Variants in BORCS7 observed in about 807,000 individuals in gnomAD.
BORCS7 encodes BLOC-1 related complex subunit 7, also known as BLOC-1-related complex subunit 7.
In BORCS7, 20 loss-of-function variants were observed where a neutral mutation model predicts 17.5. The observed-to-expected ratio is 1.14, with a 90% CI of 0.80 to 1.66. The LOEUF (loss-of-function observed/expected upper bound fraction) is 1.66. BORCS7 is among the 40% of genes most tolerant of loss of function. The probability of loss-of-function intolerance (pLI) is 0.00; values close to 1 mark genes in which losing one functional copy is unlikely to be tolerated. For missense variants in BORCS7, 122 were observed against 129.7 expected (o/e 0.94, Z 0.29); for synonymous variants, 57 against 49.8 (o/e 1.14, Z -0.61).
At position 102,858,207 on chromosome 10, in the gene BORCS7, CGAGA is replaced by C. The variant is rs148405072; in HGVS notation, c.142-2107_142-2104del. On this transcript the variant is annotated intron_variant, in intron 1 of 4. Coordinates refer to ENST00000339834, the MANE Select transcript of BORCS7 (RefSeq NM_001136200.2). ...TATATATATAGAGAGAGAGAGCGAG[CGAGA>C]GAGAGAGAGAGAGAGAGCAAGGTGT... is the stretch of plus-strand genomic sequence containing the variant. 6.1e-3 allele frequency among the ~76,000 whole-genome samples: 745 copies of C among 121,220 alleles called. 7 individuals are homozygous for C. Among genetic ancestry groups the C allele is most frequent in the African/African-American group, 0.015 (507 of 33,514 alleles). The allele number at this position is 121,220 out of a possible 152,430, so 79.5% of individuals were successfully genotyped here. A position where few individuals can be genotyped will look rare whatever the true frequency, so the allele number is the denominator to read the frequency against.
chr10:102,856,447 C>T (rs930151282), intron 1 of BORCS7, among the ~76,000 whole-genome samples: 5 of 151,822 alleles, frequency 3.3e-5, no homozygotes, highest in African/African-American at 1.2e-4. Context: ...GGCACTTATG[C>T]TTACAGTTGC....
chr10:102,859,878 T>G (rs1481246392), intron 1 of BORCS7, among the ~76,000 whole-genome samples: 1 of 152,188 alleles, frequency 6.6e-6, no homozygotes, highest in Non-Finnish European at 1.5e-5. Flanking sequence ...CTTATTTCAT[T>G]TCTAAATAGC....
chr10:102,858,593 T>G (rs1295497099), intron 1 of BORCS7, among the ~76,000 whole-genome samples: 1 of 152,024 alleles, frequency 6.6e-6, no homozygotes, highest in Non-Finnish European at 1.5e-5. Flanking sequence ...GAGGTTGCAG[T>G]GAGCCAAGAT....
chr10:102,854,946 TAATATA>T, intron 1 of BORCS7, among the ~76,000 whole-genome samples: 1 of 147,192 alleles, frequency 6.8e-6, no homozygotes, highest in Non-Finnish European at 1.5e-5. Context: ...ATTACATATA[TAATATA>T]CATATATATT....
intron 4 of BORCS7, 65 bp from the exon 5 acceptor site, chr10:102,862,808 G>T: frequency 2.1e-6 from 3 of 1,461,418 alleles, no homozygotes; most frequent in Non-Finnish European, 1.9e-6. Flanking sequence ...TTTGTAAATA[G>T]TTGTACAAAG....
In BORCS7 at chr10:102,854,556, T is replaced by G. The variant is rs1215066590; in HGVS notation, c.141+129T>G. 3.4e-6 allele frequency: 4 copies of G among 1,168,340 alleles called. No homozygotes were observed. The East Asian group carries it at 7.9e-5, about 23-fold the overall frequency. 72.4% of individuals were successfully genotyped at this position (1,168,340 alleles called of 1,614,324 possible). A position where few individuals can be genotyped will look rare whatever the true frequency, so the allele number is the denominator to read the frequency against. On this transcript the variant is annotated intron_variant, in intron 1 of 4. Coordinates refer to ENST00000339834, the MANE Select transcript of BORCS7 (RefSeq NM_001136200.2). ...AAGTACTTGCTATGAGTAGGTCTTC[T>G]TCGCGGAGGCGCGTGTTGCATTCTG...
Position 102,854,314 on chromosome 10 carries a change from C to T in BORCS7, c.28C>T (p.Gln10Ter), listed in dbSNP as rs1309910292. ...GATGGCGACTGGAACGCCAGAGTCT[C>T]AAGCGCGGTTCGGTCAGTCCGTGAA... Reference protein sequence around the residue: MMATGTPESQARFGQSVKGL... With the variant: MMATGTPES Residue 10 changes from glutamine (Q) to a stop codon, truncating the protein, a stop_gained, in exon 1 of 5, where the codon CAA (glutamine) becomes TAA (stop). Transcript: ENST00000339834. LOFTEE classifies it high-confidence loss of function. 6.2e-7 allele frequency: 1 copy of T among 1,604,462 alleles called. No homozygotes were observed. The highest frequency in any genetic ancestry group is 8.5e-7 in the Non-Finnish European group (1 of 1,175,668).
intron 1 of BORCS7, among the ~76,000 whole-genome samples, chr10:102,858,392 G>T (rs912193236): frequency 6.6e-6 from 1 of 151,828 alleles, no homozygotes; most frequent in Admixed American, 6.6e-5. Flanking sequence ...GCTCATGCCT[G>T]TAATCCCAGT....
At chr10:102,856,254 A>G (rs1247047319) in intron 1 of BORCS7, among the ~76,000 whole-genome samples, 1 of 151,842 alleles carries the variant, frequency 6.6e-6, no homozygotes, top group Non-Finnish European at 1.5e-5. Context: ...TTTTTTTCTA[A>G]ACATCATGTG....
chr10:102,858,804 T>C (rs1418079722), intron 1 of BORCS7, among the ~76,000 whole-genome samples: 1 of 152,160 alleles, frequency 6.6e-6, no homozygotes, highest in Non-Finnish European at 1.5e-5. Context: ...AAAGTTGCCC[T>C]GTGTTGGGGA....
At chr10:102,858,864 AGAG>A (rs989118646) in intron 1 of BORCS7, among the ~76,000 whole-genome samples, 3 of 151,988 alleles carry the variant, frequency 2.0e-5, no homozygotes, top group Non-Finnish European at 4.4e-5. Context: ...CCTTTTCACT[AGAG>A]TCTCCCTGAC....
chr10:102,864,224 ATTG>A lies in BORCS7; in HGVS notation c.*1303_*1305del, dbSNP rs1321097855. 1.3e-5 allele frequency: 2 copies of A among 152,208 alleles called. No homozygotes were observed. Among genetic ancestry groups the A allele is most frequent in the East Asian group, 3.8e-4 (2 of 5,206 alleles). 9.4% of individuals were successfully genotyped at this position (152,208 alleles called of 1,614,324 possible). On this transcript the variant is annotated 3_prime_UTR_variant, in exon 5 of 5. Transcript: ENST00000339834. The stretch of plus-strand genomic sequence containing the variant: ...TAACAGTGAATCCAATATAGTTCAT[ATTG>A]TTATTGTCCAATCATCAAGTTAACT...
Position 102,863,158 on chromosome 10 carries a change from A to C in BORCS7, c.*234A>C, listed in dbSNP as rs1844546756. The C allele has an allele frequency of 1.7e-5, 6 of 344,072 alleles. No individual in the cohort carries two copies. The highest frequency in any genetic ancestry group is 5.6e-5 in the East Asian group (1 of 17,880). The allele number at this position is 344,072 out of a possible 1,614,324, so 21.3% of individuals were successfully genotyped here. A position where few individuals can be genotyped will look rare whatever the true frequency, so the allele number is the denominator to read the frequency against. ...AGACCAGCCTGGCCAAGATGGTGAA[A>C]CCCCGTCTCTACTAAAAATACAAAG... On this transcript the variant is annotated 3_prime_UTR_variant, in exon 5 of 5. Coordinates refer to ENST00000339834, the MANE Select transcript of BORCS7 (RefSeq NM_001136200.2).
At chr10:102,859,652 G>A (rs189371237) in intron 1 of BORCS7, among the ~76,000 whole-genome samples, 5 of 148,682 alleles carry the variant, frequency 3.4e-5, no homozygotes, top group African/African-American at 5.0e-5. Context: ...TGCAACTTTC[G>A]CCTCCTGGGT....
intron 1 of BORCS7, among the ~76,000 whole-genome samples, chr10:102,856,539 T>C (rs1844430407): frequency 6.6e-6 from 1 of 152,186 alleles, no homozygotes; most frequent in Non-Finnish European, 1.5e-5. Flanking sequence ...GAAAACTAAG[T>C]TGAAAATCAG....
intron 4 of BORCS7, 86 bp from the exon 5 acceptor site, chr10:102,862,787 G>A (rs1844540616): frequency 3.3e-6 from 4 of 1,212,830 alleles, no homozygotes; most frequent in Non-Finnish European, 4.7e-6. Context: ...GTCTGTAATG[G>A]AAAAAAAAAA....
chr10:102,859,969 C>G (rs1003214978), intron 1 of BORCS7, among the ~76,000 whole-genome samples: 7 of 152,180 alleles, frequency 4.6e-5, no homozygotes, highest in African/African-American at 1.7e-4. Flanking sequence ...TCAAATCTGC[C>G]TTTAAAGAAT....
In BORCS7 at chr10:102,860,377, A is replaced by C. The variant is rs781125667; in HGVS notation, c.187A>C (p.Ile63Leu). 1 of 1,613,976 alleles carries C rather than the reference A, an allele frequency of 6.2e-7. No individual in the cohort carries two copies. The highest frequency in any genetic ancestry group is 1.3e-5 in the African/African-American group (1 of 74,920). The change falls in exon 2 of 5, where the codon ATC (isoleucine) becomes CTC (leucine). Residue 63 changes from isoleucine (I) to leucine (L), a missense_variant. Transcript: ENST00000339834. ...AAACATGGTACTCCAGGAAGATGCC[A>C]TCTTGCACTCAGAAGATGTAAGAAA... Reference protein sequence around the residue: ...ARNMVLQEDAILHSEDSLRKM... With the variant: ...ARNMVLQEDALLHSEDSLRKM...
In BORCS7 at chr10:102,862,145, C is replaced by T. The variant is rs752974024; in HGVS notation, c.249-15C>T. ...TTCACTTATGTGTATTTTCCTCTTT[C>T]CTTTTCTGATTTAGGCAAGAAGCTA... On this transcript the variant is annotated splice_polypyrimidine_tract_variant and intron_variant, in intron 3 of 4. Coordinates refer to ENST00000339834, the MANE Select transcript of BORCS7 (RefSeq NM_001136200.2). 1.1e-5 allele frequency: 18 copies of T among 1,602,650 alleles called. No individual in the cohort carries two copies. In the African/African-American group the frequency reaches 1.7e-4, roughly 16 times the overall value.
Sources: allele counts gnomAD v4.1 joint callset (sites outside exome capture counted in the v4.1 genomes callset), GRCh38; gene constraint gnomAD v4.1.1; transcripts MANE v1.5; gene names NCBI Gene and HGNC (gene_info 2026-07-23, HGNC 2026-07-21).